Variants in BIRC6 observed in about 807,000 individuals in gnomAD.
The protein encoded by BIRC6 is baculoviral IAP repeat containing 6, also known as dual E2 ubiquitin-conjugating enzyme/E3 ubiquitin-protein ligase BIRC6.
BIRC6 carries 98 observed loss-of-function variants against 503.3 expected under a neutral mutation model. The ratio of observed to expected loss-of-function variants is 0.19; its 90% CI spans 0.17 to 0.23. The LOEUF (loss-of-function observed/expected upper bound fraction) is 0.23. BIRC6 is among the 10% of genes least tolerant of loss of function. BIRC6 has a pLI of 1.00. For synonymous variants in BIRC6, 2,240 were observed against 2,078.7 expected (o/e 1.08, Z -2.11); for missense variants, 5,360 against 5,806.0 (o/e 0.92, Z 2.50).
chr2:32,428,922 G>A (rs1057235327), intron 10 of BIRC6, among the ~76,000 whole-genome samples: 4 of 151,912 alleles, frequency 2.6e-5, no homozygotes, highest in African/African-American at 4.8e-5. Flanking sequence ...ATAAATACCT[G>A]TTTTCATGTA....
At chr2:32,359,670 G>T (rs2033734092) in intron 1 of BIRC6, among the ~76,000 whole-genome samples, 2 of 152,258 alleles carry the variant, frequency 1.3e-5, no homozygotes, top group Middle Eastern at 3.4e-3. Context: ...AAATTTGGAA[G>T]TTAACAATGG....
At chr2:32,540,451 C>A (rs185764017) in intron 61 of BIRC6, among the ~76,000 whole-genome samples, 57 of 152,040 alleles carry the variant, frequency 3.7e-4, no homozygotes, top group Non-Finnish European at 1.3e-4. Context: ...TTATTAGAGT[C>A]TTTTCTTTGG....
chr2:32,432,439 G>A (rs1335515593), intron 12 of BIRC6, among the ~76,000 whole-genome samples: 1 of 151,856 alleles, frequency 6.6e-6, no homozygotes, highest in Non-Finnish European at 1.5e-5. Context: ...AGAGGTAGAG[G>A]TACCTGGGAG....
At chr2:32,422,366 T>C (rs1057451220) in intron 10 of BIRC6, among the ~76,000 whole-genome samples, 6 of 152,212 alleles carry the variant, frequency 3.9e-5, no homozygotes, top group Non-Finnish European at 7.3e-5. Context: ...ACTGCATTCT[T>C]TTGTGTTGAA....
rs2046364878 is a variant in BIRC6 at position 32,448,722 on chromosome 2, A to G, written c.4485-73A>G. On this transcript the variant is annotated intron_variant, in intron 21 of 73. Transcript: ENST00000421745. The stretch of plus-strand genomic sequence containing the variant: ...CTGCGCTGTTAGTCAGACTGCTTTT[A>G]AAACTAAGTAAAGGTAATTTGTTAA... The G allele has an allele frequency of 2.1e-6, 3 of 1,452,106 alleles. No homozygotes were observed. The Admixed American group carries it at 5.6e-5, about 27-fold the overall frequency. 90.0% of individuals were successfully genotyped at this position (1,452,106 alleles called of 1,614,324 possible).
At chr2:32,580,339 G>A (rs908858336) in intron 66 of BIRC6, among the ~76,000 whole-genome samples, 2 of 152,262 alleles carry the variant, frequency 1.3e-5, no homozygotes, top group East Asian at 3.9e-4. Flanking sequence ...AGATTTGGAG[G>A]CCTAAAGGAT....
Position 32,469,376 on chromosome 2 carries a change from GT to G in BIRC6, c.6128-15del, listed in dbSNP as rs2048890584. On this transcript the variant is annotated intron_variant, in intron 29 of 73. Transcript: ENST00000421745. ...ATACATTTAAATAGGAAAGTTTACTGTTTTCTTTCTTGTAATAGGACACTCT... is the reference window on the plus strand; with the variant it reads ...ATACATTTAAATAGGAAAGTTTACTGTTTCTTTCTTGTAATAGGACACTCT... 6.3e-7 allele frequency: 1 copy of G among 1,588,670 alleles called. No homozygotes were observed. Among genetic ancestry groups the G allele is most frequent in the African/African-American group, 1.4e-5 (1 of 73,900 alleles).
chr2:32,388,780 C>G lies in BIRC6; in HGVS notation c.676C>G (p.His226Asp), dbSNP rs2038838624. 6 of 1,607,164 alleles carry G rather than the reference C, an allele frequency of 3.7e-6. No individual in the cohort carries two copies. The highest frequency in any genetic ancestry group is 5.1e-6 in the Non-Finnish European group (6 of 1,177,284). ...CACAGTTACATTTCATCTTCCTCAT[C>G]ATGTGTTGAAGTCCATTGCCAGTGC... ...WATVTFHLPH[H>D]VLKSIASAIV... The change falls in exon 4 of 74, where the codon CAT (histidine) becomes GAT (aspartate). Residue 226 changes from histidine (H) to aspartate (D), a missense_variant. This residue lies in a region of BIRC6 where 134 missense variants were observed against 150.9 expected (regional missense o/e 0.89). Coordinates refer to ENST00000421745, the MANE Select transcript of BIRC6 (RefSeq NM_016252.4).
intron 65 of BIRC6, among the ~76,000 whole-genome samples, chr2:32,553,889 A>G (rs953523375): frequency 6.6e-6 from 1 of 152,178 alleles, no homozygotes; most frequent in African/African-American, 2.4e-5. Flanking sequence ...AGTGTTCTAG[A>G]TAGGAAAATA....
rs569218473 is a variant in BIRC6 at position 32,424,608 on chromosome 2, C to T, written c.2873-4538C>T. 2.0e-3 allele frequency among the ~76,000 whole-genome samples: 298 copies of T among 151,810 alleles called. 1 individual carries two copies. Among genetic ancestry groups the T allele is most frequent in the Non-Finnish European group, 3.4e-3 (233 of 67,896 alleles). On this transcript the variant is annotated intron_variant, in intron 10 of 73. Transcript: ENST00000421745. ...CGGCTCACTGCAACCTTTGCCTCCC[C>T]GGCTCTAGTGAGTCTCCTGCCTCAG...
intron 5 of BIRC6, among the ~76,000 whole-genome samples, chr2:32,392,704 T>C (rs541410725): frequency 1.4e-4 from 21 of 152,122 alleles, no homozygotes; most frequent in Admixed American, 8.5e-4. Context: ...CTCACTTCAG[T>C]CTCAACCTTC....
In BIRC6 at chr2:32,468,588, A is replaced by G. The variant is rs760872016; in HGVS notation, c.5932A>G (p.Ile1978Val). 3.7e-6 allele frequency: 6 copies of G among 1,614,040 alleles called. No individual in the cohort carries two copies. The highest frequency in any genetic ancestry group is 3.4e-6 in the Non-Finnish European group (4 of 1,179,890). ...GGTTTTTTCTGCTTATCAAGATTGTATTCAGCTACAGCTTCAACTAAATTT... is the reference window on the plus strand; with the variant it reads ...GGTTTTTTCTGCTTATCAAGATTGTGTTCAGCTACAGCTTCAACTAAATTT... ...SRVFSAYQDC[I>V]QLQLQLNLAH... Residue 1978 changes from isoleucine to valine, a missense_variant, in exon 29 of 74, where the codon ATT becomes GTT. Physicochemically the swap from Ile to Val is conservative, Grantham distance 29 (BLOSUM62 3). Coordinates refer to ENST00000421745, the MANE Select transcript of BIRC6 (RefSeq NM_016252.4).
intron 10 of BIRC6, among the ~76,000 whole-genome samples, chr2:32,425,972 C>T (rs1341870052): frequency 1.3e-5 from 2 of 152,214 alleles, no homozygotes; most frequent in African/African-American, 4.8e-5. Flanking sequence ...TTTAGGCCAC[C>T]CTCTTACCAG....
chr2:32,370,699 T>G lies in BIRC6; in HGVS notation c.326-6889T>G, dbSNP rs376564854. Among the ~76,000 whole-genome samples, 7 of 152,300 alleles carry G rather than the reference T, an allele frequency of 4.6e-5. No individual in the cohort carries two copies. The East Asian group carries it at 9.6e-4, about 21-fold the overall frequency. ...AATTTTGTACCTTCTTTTTAAAAAA[T>G]TTTAAAAATTCTTGTGGGTACATAG... On this transcript the variant is annotated intron_variant, in intron 1 of 73. Coordinates refer to ENST00000421745, the MANE Select transcript of BIRC6 (RefSeq NM_016252.4).
chr2:32,424,423 T>C (rs1356566509), intron 10 of BIRC6, among the ~76,000 whole-genome samples: 1 of 152,128 alleles, frequency 6.6e-6, no homozygotes, highest in African/African-American at 2.4e-5. Context: ...CCTATAAACA[T>C]TGGTGTACAA....
chr2:32,560,233 A>G (rs1249974238), intron 65 of BIRC6, among the ~76,000 whole-genome samples: 1 of 152,216 alleles, frequency 6.6e-6, no homozygotes, highest in Non-Finnish European at 1.5e-5. Context: ...TATTTTTTAA[A>G]GTACAGTAAT....
intron 23 of BIRC6, among the ~76,000 whole-genome samples, chr2:32,456,711 C>T (rs914919553): frequency 3.3e-5 from 5 of 152,092 alleles, no homozygotes; most frequent in African/African-American, 1.2e-4. Context: ...GTGAAGTGTA[C>T]TCTATATATC....
At chr2:32,458,707 T>TTC (rs2047512871) in intron 23 of BIRC6, among the ~76,000 whole-genome samples, 2 of 144,984 alleles carry the variant, frequency 1.4e-5, no homozygotes, top group East Asian at 2.0e-4. Context: ...TTTTTTTTTT[T>TTC]TCTGATACAG....
At chr2:32,370,081 CA>C (rs909206024) in intron 1 of BIRC6, among the ~76,000 whole-genome samples, 4 of 148,122 alleles carry the variant, frequency 2.7e-5, no homozygotes, top group African/African-American at 1.0e-4. Flanking sequence ...CACACACACA[CA>C]GCACGCACGG....
Sources: gnomAD v4.1 joint callset for allele counts (sites outside exome capture counted in the v4.1 genomes callset) on GRCh38, gnomAD v4.1.1 for gene constraint, gnomAD v4.1.1 regional missense constraint, MANE v1.5 for transcripts, NCBI Gene and HGNC (gene_info 2026-07-23, HGNC 2026-07-21) for gene names.